The following SLC10A1 variants were observed in gnomAD, a reference collection of about 807,000 sequenced individuals.
SLC10A1 encodes the protein hepatic sodium/bile acid cotransporter.
SLC10A1 carries 36 observed loss-of-function variants against 20.5 expected under a neutral mutation model. The observed-to-expected ratio is 1.75, with a 90% CI of 1.34 to 2.32. The LOEUF (loss-of-function observed/expected upper bound fraction) is 2.32, where lower values mean the gene tolerates loss of function less well. Among genes scored for constraint, SLC10A1 ranks in the 30% most tolerant of loss-of-function variants. The pLI is 0.00. For synonymous variants in SLC10A1, 188 were observed against 163.6 expected (o/e 1.15, Z -1.14); for missense variants, 545 against 439.1 (o/e 1.24, Z -2.16).
In SLC10A1 at chr14:69,776,275, G is replaced by C. The variant is rs752376832; in HGVS notation, c.*7C>G. On this transcript the variant is annotated 3_prime_UTR_variant, in exon 5 of 5. Coordinates refer to ENST00000216540, the MANE Select transcript of SLC10A1 (RefSeq NM_003049.4). The stretch of plus-strand genomic sequence containing the variant: ...TGGGACCAGAATCCAGGCCACCAGG[G>C]GAAGGGCTAGGCTGTGCAAGGGGAG... 2 of 1,607,798 alleles carry C rather than the reference G, an allele frequency of 1.2e-6. No homozygotes were observed. The highest frequency in any genetic ancestry group is 2.2e-5 in the South Asian group (2 of 90,604).
intron 1 of SLC10A1, among the ~76,000 whole-genome samples, chr14:69,792,468 A>G (rs1594765054): frequency 1.3e-5 from 2 of 152,246 alleles, no homozygotes; most frequent in African/African-American, 4.8e-5. Flanking sequence ...TAGGCCTCCC[A>G]TGAAATCAAA....
Position 69,778,482 on chromosome 14 carries a change from A to C in SLC10A1, c.794T>G (p.Leu265Arg), listed in dbSNP as rs746779969. The change falls in exon 4 of 5, where the codon CTC becomes CGC. Residue 265 changes from leucine to arginine, a missense_variant. Physicochemically the swap from Leu to Arg is moderately radical, Grantham distance 102. Transcript: ENST00000216540. ...GGCCACATTGAGGATGGTGGAACAG[A>C]GTTGGACATTTTGGCATCCAGTCTC... ...SMETGCQNVQLCSTILNVAFP... is the reference protein window; with the variant it reads ...SMETGCQNVQRCSTILNVAFP... 1 of 1,613,058 alleles carries C rather than the reference A, an allele frequency of 6.2e-7. No individual in the cohort carries two copies. The highest frequency in any genetic ancestry group is 1.7e-5 in the Admixed American group (1 of 59,832).
Position 69,786,127 on chromosome 14 carries a change from T to C in SLC10A1, c.537A>G (p.Lys179=). 1 of 1,614,156 alleles carries C rather than the reference T, an allele frequency of 6.2e-7. No individual in the cohort carries two copies. Among genetic ancestry groups the C allele is most frequent in the South Asian group, 1.1e-5 (1 of 91,080 alleles). ...TGACATAGCGCATGTATTGTGGCCG[T>C]TTGGATTTGAGGACGATCCCTATGG... is the stretch of plus-strand genomic sequence containing the variant. ...PCTIGIVLKS[K]RPQYMRYVIK... is the part of the protein sequence containing the mutation. Residue 179 remains lysine, a synonymous_variant, in exon 2 of 5, where the codon AAA becomes AAG. Coordinates refer to ENST00000216540, the MANE Select transcript of SLC10A1 (RefSeq NM_003049.4).
intron 1 of SLC10A1, among the ~76,000 whole-genome samples, chr14:69,787,029 A>G (rs1168613470): frequency 3.3e-5 from 5 of 152,218 alleles, no homozygotes; most frequent in African/African-American, 9.6e-5. Flanking sequence ...AAGGGCCATA[A>G]TGGTGGGGTA....
At chr14:69,777,192 T>C (rs1883466082) in intron 4 of SLC10A1, among the ~76,000 whole-genome samples, 1 of 152,224 alleles carries the variant, frequency 6.6e-6, no homozygotes, top group South Asian at 2.1e-4. Flanking sequence ...ATCTCTTGCG[T>C]TCCTCTCAGA....
intron 2 of SLC10A1, among the ~76,000 whole-genome samples, chr14:69,782,016 C>A (rs1315998148): frequency 5.9e-5 from 9 of 152,176 alleles, no homozygotes; most frequent in Non-Finnish European, 1.2e-4. Flanking sequence ...TTGGCACTCA[C>A]TATATTATTT....
In SLC10A1 at chr14:69,786,221, C is replaced by G. The variant is rs755186097; in HGVS notation, c.443G>C (p.Gly148Ala). The G allele has an allele frequency of 6.2e-7, 1 of 1,614,006 alleles. No homozygotes were observed. Among genetic ancestry groups the G allele is most frequent in the Non-Finnish European group, 8.5e-7 (1 of 1,179,984 alleles). Reference sequence around the variant, plus strand: ...ATAGGGCACCTTGTCCTTCAGGTCCCCATCATAGATCCCCCTGGAGTAGAT... The same window carrying G: ...ATAGGGCACCTTGTCCTTCAGGTCCGCATCATAGATCCCCCTGGAGTAGAT... ...LYIYSRGIYDGDLKDKVPYKG... is the reference protein window; with the variant it reads ...LYIYSRGIYDADLKDKVPYKG... The change falls in exon 2 of 5, where the codon GGG (glycine) becomes GCG (alanine). Residue 148 changes from glycine to alanine, a missense_variant. Coordinates refer to ENST00000216540, the MANE Select transcript of SLC10A1 (RefSeq NM_003049.4).
At chr14:69,788,121 T>C (rs976334157) in intron 1 of SLC10A1, among the ~76,000 whole-genome samples, 1 of 150,842 alleles carries the variant, frequency 6.6e-6, no homozygotes, top group Admixed American at 6.6e-5. Context: ...GGGAGTGGGG[T>C]GTTAGTCTTG....
At chr14:69,779,944 T>C (rs1883551977) in intron 2 of SLC10A1, among the ~76,000 whole-genome samples, 1 of 152,232 alleles carries the variant, frequency 6.6e-6, no homozygotes, top group African/African-American at 2.4e-5. Context: ...TTGTCTCAAA[T>C]ACCTTGATTA....
chr14:69,783,416 C>G (rs1566636282), intron 2 of SLC10A1, among the ~76,000 whole-genome samples: 1 of 152,156 alleles, frequency 6.6e-6, no homozygotes, highest in Non-Finnish European at 1.5e-5. Flanking sequence ...GCATCTTACT[C>G]AGGCTTAGGA....
At chr14:69,776,600 A>G (rs1280448943) in intron 4 of SLC10A1, among the ~76,000 whole-genome samples, 3 of 152,190 alleles carry the variant, frequency 2.0e-5, no homozygotes, top group Non-Finnish European at 2.9e-5. Context: ...AAAAGTCCTA[A>G]TGAATTAGAC....
rs1013939071 is a variant in SLC10A1 at position 69,778,710 on chromosome 14, C to T, written c.747-181G>A. On this transcript the variant is annotated intron_variant, in intron 3 of 4. Transcript: ENST00000216540. Reference sequence around the variant, plus strand: ...TCTGGATTTTTAACCCGTTCAATACCTTCATTCAATTTTTTTCAAGTCTAA... The same window carrying T: ...TCTGGATTTTTAACCCGTTCAATACTTTCATTCAATTTTTTTCAAGTCTAA... 3.3e-5 allele frequency among the ~76,000 whole-genome samples: 5 copies of T among 152,230 alleles called. No individual in the cohort carries two copies. The East Asian group carries it at 5.8e-4, about 18-fold the overall frequency.
In SLC10A1 at chr14:69,797,199, A is replaced by G; in HGVS notation, c.-44T>C. 6.5e-7 allele frequency: 1 copy of G among 1,528,038 alleles called. No homozygotes were observed. Among genetic ancestry groups the G allele is most frequent in the Non-Finnish European group, 8.9e-7 (1 of 1,122,158 alleles). 94.7% of individuals were successfully genotyped at this position (1,528,038 alleles called of 1,614,324 possible). On this transcript the variant is annotated 5_prime_UTR_variant, in exon 1 of 5. Transcript: ENST00000216540. ...AAGACCACTCCTTGTTCTCCGGCTG[A>G]CTCCGTTTCTTGTGCAGTTCTTGCT... is the stretch of plus-strand genomic sequence containing the variant.
chr14:69,792,035 T>C (rs1882284715), intron 1 of SLC10A1, among the ~76,000 whole-genome samples: 2 of 151,648 alleles, frequency 1.3e-5, no homozygotes, highest in South Asian at 4.2e-4. Flanking sequence ...CACTGCAACC[T>C]CTGCCTCCTG....
intron 1 of SLC10A1, among the ~76,000 whole-genome samples, chr14:69,796,093 A>G (rs942458997): frequency 7.2e-5 from 11 of 152,196 alleles, no homozygotes; most frequent in African/African-American, 2.7e-4. Context: ...CTGCGTCTCC[A>G]GGAGCGAGCC....
At position 69,779,263 on chromosome 14, in the gene SLC10A1, A is replaced by G. The variant is rs1461859403; in HGVS notation, c.665T>C (p.Leu222Ser). 1.2e-6 allele frequency: 2 copies of G among 1,613,964 alleles called. No individual in the cohort carries two copies. The highest frequency in any genetic ancestry group is 2.2e-5 in the East Asian group (1 of 44,878). Reference sequence around the variant, plus strand: ...AGGCATCAGGGAGGAGGTGGCAATCAAGAGTGGTGTCATGGCAAACATGAT... The same window carrying G: ...AGGCATCAGGGAGGAGGTGGCAATCGAGAGTGGTGTCATGGCAAACATGAT... The part of the protein sequence containing the change: ...KSIMFAMTPL[L>S]IATSSLMPFI... The change falls in exon 3 of 5, where the codon TTG becomes TCG. Residue 222 changes from leucine (L) to serine (S), a missense_variant. Leu to Ser is a moderately radical substitution (Grantham distance 145, BLOSUM62 -2). Transcript: ENST00000216540.
chr14:69,788,781 C>T (rs1298670151), intron 1 of SLC10A1, among the ~76,000 whole-genome samples: 3 of 152,088 alleles, frequency 2.0e-5, no homozygotes, highest in Admixed American at 6.6e-5. Context: ...CTCCTGACCT[C>T]GTGATCCACC....
intron 1 of SLC10A1, among the ~76,000 whole-genome samples, chr14:69,787,988 A>G (rs894261338): frequency 3.9e-5 from 6 of 152,114 alleles, no homozygotes; most frequent in Admixed American, 2.0e-4. Flanking sequence ...TGAGCCCAGA[A>G]GGTTGAGGTT....
intron 1 of SLC10A1, among the ~76,000 whole-genome samples, chr14:69,794,289 C>T (rs1208702709): frequency 6.6e-6 from 1 of 152,180 alleles, no homozygotes; most frequent in Non-Finnish European, 1.5e-5. Flanking sequence ...AAGTGGGAAG[C>T]TCTGGCTCCC....
Sources: allele counts gnomAD v4.1 joint callset (sites outside exome capture counted in the v4.1 genomes callset), GRCh38; gene constraint gnomAD v4.1.1; transcripts MANE v1.5; gene names NCBI Gene and HGNC (gene_info 2026-07-23, HGNC 2026-07-21).